The following TDRD9 variants were observed in gnomAD, a reference collection of about 807,000 sequenced individuals.
TDRD9 encodes the protein ATP-dependent RNA helicase TDRD9.
TDRD9 carries 124 observed loss-of-function variants against 172.6 expected under a neutral mutation model. The observed-to-expected ratio is 0.72, with a 90% confidence interval of 0.62 to 0.83. The LOEUF (loss-of-function observed/expected upper bound fraction) is 0.83. Among genes scored for constraint, TDRD9 ranks in the 40% least tolerant of loss-of-function variants. TDRD9 has a pLI of 0.00. For missense variants in TDRD9, 1,479 were observed against 1,714.1 expected (o/e 0.86, Z 2.42); for synonymous variants, 619 against 617.1 (o/e 1.00, Z -0.05).
intron 1 of TDRD9, among the ~76,000 whole-genome samples, chr14:103,934,032 C>CT (rs897685552): frequency 7.7e-4 from 109 of 141,354 alleles, no homozygotes; most frequent in South Asian, 2.3e-3. Flanking sequence ...ACAAAATCCA[C>CT]TTTTTTTTTT....
chr14:103,965,681 A>T, intron 4 of TDRD9, 127 bp downstream of exon 4: 1 of 845,526 alleles, frequency 1.2e-6, no homozygotes. Flanking sequence ...GTTGTGTCTC[A>T]TGCCTGTAAT....
intron 8 of TDRD9, among the ~76,000 whole-genome samples, chr14:103,986,806 T>C (rs2033676140): frequency 6.6e-6 from 1 of 152,148 alleles, no homozygotes; most frequent in Non-Finnish European, 1.5e-5. Flanking sequence ...TTATAAGTGG[T>C]GACTAGAGTT....
intron 32 of TDRD9, among the ~76,000 whole-genome samples, chr14:104,037,446 CA>C (rs2035485824): frequency 2.0e-5 from 3 of 152,362 alleles, no homozygotes; most frequent in East Asian, 3.9e-4. Flanking sequence ...TCTCCCTCCA[CA>C]TGTGTCACTG....
At chr14:103,937,202 T>G (rs899862492) in intron 1 of TDRD9, among the ~76,000 whole-genome samples, 1 of 152,246 alleles carries the variant, frequency 6.6e-6, no homozygotes, top group Non-Finnish European at 1.5e-5. Context: ...AAATTTCATC[T>G]GACTCTGCAT....
At chr14:104,009,306 G>C (rs879415504) in intron 20 of TDRD9, among the ~76,000 whole-genome samples, 11 of 152,240 alleles carry the variant, frequency 7.2e-5, no homozygotes, top group Non-Finnish European at 1.5e-4. Context: ...CCAGATCTCA[G>C]GTGGAGCAGT....
intron 22 of TDRD9, 61 bp downstream of exon 22, chr14:104,016,149 C>T (rs2034785441): frequency 8.8e-6 from 10 of 1,141,722 alleles, no homozygotes; most frequent in Non-Finnish European, 1.3e-5. Flanking sequence ...TTTTTGTTCT[C>T]TAATTGTTTC....
chr14:103,982,386 C>CAA (rs2033507338), intron 7 of TDRD9, among the ~76,000 whole-genome samples: 1 of 152,168 alleles, frequency 6.6e-6, no homozygotes, highest in Admixed American at 6.5e-5. Context: ...ACTGCACCTG[C>CAA]CAGGGTCCCT....
At chr14:103,952,218 ATATTTTTTTTTTTTTTTTTTTTT>A (rs2031954027) in intron 1 of TDRD9, among the ~76,000 whole-genome samples, 1 of 44,096 alleles carries the variant, frequency 2.3e-5, no homozygotes, top group South Asian at 8.7e-4. Flanking sequence ...ATATATATAT[ATATTTTTTTTTTTTTTTTTTTTT>A]TTTTTTTTTT....
chr14:104,006,353 A>C (rs1169485039), intron 15 of TDRD9, 36 bp from the exon 16 acceptor site: 2 of 1,581,748 alleles, frequency 1.3e-6, no homozygotes, highest in East Asian at 2.2e-5. Flanking sequence ...TGAGTAAGTC[A>C]GTGCTTGATA....
At chr14:104,006,751 G>A in intron 17 of TDRD9, 31 bp from the exon 18 acceptor site, 2 of 1,612,748 alleles carry the variant, frequency 1.2e-6, no homozygotes, top group Admixed American at 1.7e-5. Context: ...GTATTTTAAT[G>A]GTATTGAATG....
chr14:104,040,700 G>A (rs2035588069), intron 33 of TDRD9, among the ~76,000 whole-genome samples: 1 of 152,208 alleles, frequency 6.6e-6, no homozygotes, highest in Non-Finnish European at 1.5e-5. Flanking sequence ...GGGAAAGGAG[G>A]ACACAAGGTC....
At chr14:104,009,337 A>G (rs1023292843) in intron 20 of TDRD9, among the ~76,000 whole-genome samples, 1 of 152,208 alleles carries the variant, frequency 6.6e-6, no homozygotes, top group African/African-American at 2.4e-5. Context: ...AACCATCCCC[A>G]TCTACTCCGG....
At chr14:103,936,068 G>A (rs1268328171) in intron 1 of TDRD9, among the ~76,000 whole-genome samples, 1 of 152,062 alleles carries the variant, frequency 6.6e-6, no homozygotes. Context: ...GAAAATGGAA[G>A]CAAGGTAATT....
At chr14:103,940,752 CTTAATA>C in intron 1 of TDRD9, 1 of 1,217,914 alleles carries the variant, frequency 8.2e-7, no homozygotes, top group Non-Finnish European at 1.1e-6. Context: ...TTTTCTTATT[CTTAATA>C]TTAGGAGTTC....
At chr14:104,049,464 A>G (rs1219942607) in intron 34 of TDRD9, 144 bp from the exon 35 acceptor site, 2 of 600,830 alleles carry the variant, frequency 3.3e-6, no homozygotes, top group African/African-American at 3.8e-5. Context: ...TCTGATCATA[A>G]CTGCATAAAT....
chr14:103,973,971 G>C (rs939451945), intron 6 of TDRD9, among the ~76,000 whole-genome samples: 3 of 152,174 alleles, frequency 2.0e-5, no homozygotes, highest in African/African-American at 7.2e-5. Flanking sequence ...GCCGAGGTGG[G>C]CAGATCGCCT....
chr14:103,994,965 A>G (rs199746805), intron 11 of TDRD9, among the ~76,000 whole-genome samples: 165 of 33,216 alleles, frequency 5.0e-3, no homozygotes, highest in Middle Eastern at 0.021. Context: ...AAAAAAAAAA[A>G]GAAAAAAAAA....
Position 104,040,188 on chromosome 14 carries a change from C to G in TDRD9, c.3717-8C>G. 11 of 1,447,032 alleles carry G rather than the reference C, an allele frequency of 7.6e-6. No homozygotes were observed. The highest frequency in any genetic ancestry group is 9.2e-6 in the Non-Finnish European group (10 of 1,089,312). 89.6% of individuals were successfully genotyped at this position (1,447,032 alleles called of 1,614,324 possible). On this transcript the variant is annotated splice_region_variant and splice_polypyrimidine_tract_variant and intron_variant, in intron 32 of 35. Coordinates refer to ENST00000409874, the MANE Select transcript of TDRD9 (RefSeq NM_153046.3). ...AATAATGGACTCTTCTGAAAACATTCCATTTAGGATTGATCAGAATGGCAA... is the reference window on the plus strand; with the variant it reads ...AATAATGGACTCTTCTGAAAACATTGCATTTAGGATTGATCAGAATGGCAA...
In TDRD9 at chr14:103,965,400, C is replaced by A. The variant is rs1298139851; in HGVS notation, c.488C>A (p.Thr163Asn). 13 of 1,551,544 alleles carry A rather than the reference C, an allele frequency of 8.4e-6. No homozygotes were observed. The highest frequency in any genetic ancestry group is 1.0e-5 in the Non-Finnish European group (12 of 1,147,014). ...GGGGCCACGGGAAGCGGTAAAAGCA[C>A]TCAGCTCCCGCAGTATATCTTGGAC... ...IHGATGSGKS[T>N]QLPQYILDHY... Residue 163 changes from threonine (T) to asparagine (N), a missense_variant, in exon 4 of 36, where the codon ACT becomes AAT. Around this residue, in one of 3 missense-constraint regions of TDRD9, gnomAD observed 1,413 missense variants for 1,649.1 expected, o/e 0.86. Transcript: ENST00000409874.
Sources: gnomAD v4.1 joint callset for allele counts (sites outside exome capture counted in the v4.1 genomes callset) on GRCh38, gnomAD v4.1.1 for gene constraint, gnomAD v4.1.1 regional missense constraint, MANE v1.5 for transcripts, NCBI Gene and HGNC (gene_info 2026-07-23, HGNC 2026-07-21) for gene names.